The following SOX5 variants were observed in gnomAD, a reference collection of about 807,000 sequenced individuals.
SOX5 encodes the protein SRY-box transcription factor 5, also known as transcription factor SOX-5.
In SOX5, 9 loss-of-function variants were observed where a neutral mutation model predicts 92.0. That is an observed-to-expected ratio of 0.10 (90% confidence interval 0.06 to 0.17). SOX5 has a LOEUF of 0.17. Ranked by LOEUF, SOX5 falls within the 10% of genes least tolerant of loss-of-function variation. The probability of loss-of-function intolerance (pLI) is 1.00; values close to 1 mark genes in which losing one functional copy is unlikely to be tolerated. For synonymous variants in SOX5, 344 were observed against 336.3 expected (o/e 1.02, Z -0.25); for missense variants, 642 against 944.5 (o/e 0.68, Z 4.20).
intron 3 of SOX5, among the ~76,000 whole-genome samples, chr12:24,268,250 G>A (rs1047374558): frequency 6.6e-6 from 1 of 152,308 alleles, no homozygotes; most frequent in East Asian, 1.9e-4. Flanking sequence ...ATATTTGTAT[G>A]TAGAGCACGA....
In SOX5 at chr12:23,938,502, A is replaced by C. The variant is rs148372151; in HGVS notation, c.38+11062T>G. ...TATGTGTGTGACTTCTTAGATTAAC[A>C]GAAAAATCACTGTTTTCAGTTGTTC... On this transcript the variant is annotated intron_variant, in intron 1 of 14. Transcript: ENST00000451604. 3.7e-3 allele frequency among the ~76,000 whole-genome samples: 560 copies of C among 151,240 alleles called. 5 individuals are homozygous for C. Among genetic ancestry groups the C allele is most frequent in the African/African-American group, 0.013 (538 of 41,490 alleles).
chr12:23,595,429 T>C (rs981226533), intron 9 of SOX5, among the ~76,000 whole-genome samples: 6 of 151,976 alleles, frequency 3.9e-5, no homozygotes, highest in Non-Finnish European at 7.4e-5. Context: ...GAGACCATCC[T>C]GGCTAACACG....
Position 23,597,850 on chromosome 12 carries a change from A to T in SOX5, c.1164+6537T>A, listed in dbSNP as rs189776805. Among the ~76,000 whole-genome samples the T allele has an allele frequency of 3.6e-3, 544 of 152,362 alleles. 1 individual carries two copies. The highest frequency in any genetic ancestry group is 0.012 in the African/African-American group (503 of 41,590). On this transcript the variant is annotated intron_variant, in intron 9 of 14. Coordinates refer to ENST00000451604, the MANE Select transcript of SOX5 (RefSeq NM_006940.6). ...ATTTATTAAGGAGATTCTAGCATTT[A>T]AGTGATATGCCAGATACTGTTAAGA...
At chr12:23,898,959 AG>A (rs1347154467) in intron 1 of SOX5, among the ~76,000 whole-genome samples, 1 of 152,248 alleles carries the variant, frequency 6.6e-6, no homozygotes, top group African/African-American at 2.4e-5. Context: ...AATTACATAT[AG>A]ATATATCAAT....
intron 6 of SOX5, among the ~76,000 whole-genome samples, chr12:23,680,776 A>G (rs2086495025): frequency 1.3e-5 from 2 of 152,170 alleles, no homozygotes; most frequent in African/African-American, 4.8e-5. Context: ...TCATCAACCT[A>G]GGTGTGATAA....
intron 1 of SOX5, among the ~76,000 whole-genome samples, chr12:24,489,366 G>A (rs1946824710): frequency 1.3e-5 from 2 of 152,270 alleles, no homozygotes; most frequent in South Asian, 4.1e-4. Context: ...GTGGGAGAGA[G>A]AGGCACGTGG....
chr12:23,699,089 A>G, intron 6 of SOX5, among the ~76,000 whole-genome samples: 1 of 152,224 alleles, frequency 6.6e-6, no homozygotes, highest in South Asian at 2.1e-4. Context: ...CACAATCTGC[A>G]GATTTCTAGT....
intron 9 of SOX5, among the ~76,000 whole-genome samples, chr12:23,581,034 A>T (rs1368239317): frequency 6.6e-6 from 1 of 152,076 alleles, no homozygotes; most frequent in African/African-American, 2.4e-5. Context: ...AGAAGAAAAT[A>T]TGTTACTGTA....
At chr12:23,734,068 A>G (rs988744559) in intron 6 of SOX5, among the ~76,000 whole-genome samples, 1 of 152,236 alleles carries the variant, frequency 6.6e-6, no homozygotes, top group Non-Finnish European at 1.5e-5. Context: ...CAAGTTGTGG[A>G]AACAAGACAT....
At chr12:23,660,897 T>C (rs1444539402) in intron 7 of SOX5, among the ~76,000 whole-genome samples, 1 of 152,222 alleles carries the variant, frequency 6.6e-6, no homozygotes. Context: ...TAGTGTCCAA[T>C]AGATGCCTCT....
intron 3 of SOX5, among the ~76,000 whole-genome samples, chr12:23,761,223 G>T (rs189238488): frequency 6.6e-6 from 1 of 152,080 alleles, no homozygotes; most frequent in Non-Finnish European, 1.5e-5. Context: ...ATATCATTTA[G>T]ATAAGCACTT....
At chr12:23,878,186 A>G (rs2096949489) in intron 2 of SOX5, among the ~76,000 whole-genome samples, 1 of 152,034 alleles carries the variant, frequency 6.6e-6, no homozygotes, top group South Asian at 2.1e-4. Flanking sequence ...TTAGTAGTAT[A>G]GTTTCTTAAA....
At chr12:23,924,235 C>T (rs943453836) in intron 1 of SOX5, among the ~76,000 whole-genome samples, 6 of 152,276 alleles carry the variant, frequency 3.9e-5, no homozygotes, top group Middle Eastern at 3.4e-3. Context: ...GATTAAGCTG[C>T]GAGAAACGTA....
intron 1 of SOX5, among the ~76,000 whole-genome samples, chr12:24,383,838 C>T (rs553076315): frequency 2.6e-4 from 39 of 152,044 alleles, no homozygotes; most frequent in Non-Finnish European, 3.1e-4. Flanking sequence ...GTTAGTGATA[C>T]GGTTTGGCTG....
At position 23,908,646 on chromosome 12, in the gene SOX5, A is replaced by C. The variant is rs183977909; in HGVS notation, c.39-12622T>G. On this transcript the variant is annotated intron_variant, in intron 1 of 14. Coordinates refer to ENST00000451604, the MANE Select transcript of SOX5 (RefSeq NM_006940.6). ...GAGACAGGCATACTAGACAGAGATA[A>C]ATTTTCCGAACTTCTCAGCAAAAAT... Among the ~76,000 whole-genome samples, 165 of 152,002 alleles carry C rather than the reference A, an allele frequency of 1.1e-3. 1 individual carries two copies. Among genetic ancestry groups the C allele is most frequent in the Admixed American group, 5.8e-3 (88 of 15,190 alleles).
chr12:23,828,485 A>C (rs2096266914), intron 3 of SOX5, among the ~76,000 whole-genome samples: 1 of 152,220 alleles, frequency 6.6e-6, no homozygotes, highest in African/African-American at 2.4e-5. Flanking sequence ...AGTGTTTTAG[A>C]ATTTACCTTA....
chr12:23,899,132 G>A (rs898106998), intron 1 of SOX5, among the ~76,000 whole-genome samples: 4 of 152,034 alleles, frequency 2.6e-5, no homozygotes, highest in African/African-American at 9.7e-5. Flanking sequence ...ACCACAGGCC[G>A]GTTGCAGTGG....
chr12:24,288,360 G>A (rs756297352), intron 2 of SOX5, among the ~76,000 whole-genome samples: 5 of 152,106 alleles, frequency 3.3e-5, no homozygotes, highest in African/African-American at 4.8e-5. Flanking sequence ...TCTTACTTTT[G>A]TTACATAAAC....
At position 23,536,869 on chromosome 12, in the gene SOX5, AT is replaced by A. The variant is rs797007055; in HGVS notation, c.1772-201del. Among the ~76,000 whole-genome samples, 136 of 146,756 alleles carry A rather than the reference AT, an allele frequency of 9.3e-4. 1 individual carries two copies. Among genetic ancestry groups the A allele is most frequent in the African/African-American group, 1.6e-3 (66 of 40,178 alleles). On this transcript the variant is annotated intron_variant, in intron 13 of 14. Coordinates refer to ENST00000451604, the MANE Select transcript of SOX5 (RefSeq NM_006940.6). Reference sequence around the variant, plus strand: ...CCTAAAGATATAAACACTGGGCAGTATTTTTTTTTTTCTGGTTTGCATTCTA... The same window carrying A: ...CCTAAAGATATAAACACTGGGCAGTATTTTTTTTTTCTGGTTTGCATTCTA...
Sources: gnomAD v4.1 joint callset for allele counts (sites outside exome capture counted in the v4.1 genomes callset) on GRCh38, gnomAD v4.1.1 for gene constraint, MANE v1.5 for transcripts, NCBI Gene and HGNC (gene_info 2026-07-23, HGNC 2026-07-21) for gene names.